Variants in PCDH9 observed in about 807,000 individuals in gnomAD.
PCDH9 encodes the protein protocadherin 9.
Under a neutral mutation model 70.6 loss-of-function variants are expected in PCDH9, and 24 were observed. That is an observed-to-expected ratio of 0.34 (90% CI 0.25 to 0.48). The LOEUF (loss-of-function observed/expected upper bound fraction) is 0.48. Ranked by LOEUF, PCDH9 falls within the 20% of genes least tolerant of loss-of-function variation. The probability of loss-of-function intolerance (pLI) is 0.99; values close to 1 mark genes in which losing one functional copy is unlikely to be tolerated. For synonymous variants in PCDH9, 562 were observed against 558.5 expected (o/e 1.01, Z -0.09); for missense variants, 1,281 against 1,503.6 (o/e 0.85, Z 2.45).
At chr13:66,530,749 TATCCAGTTAAACAGTGGGACTAC>T (rs1379081800) in intron 4 of PCDH9, among the ~76,000 whole-genome samples, 1 of 152,140 alleles carries the variant, frequency 6.6e-6, no homozygotes, top group Non-Finnish European at 1.5e-5. Flanking sequence ...ATAGATGTTT[TATCCAGTTAAACAGTGGGACTAC>T]ATCCATTGCT....
chr13:67,028,655 G>A (rs1188943574), intron 2 of PCDH9, among the ~76,000 whole-genome samples: 1 of 151,760 alleles, frequency 6.6e-6, no homozygotes, highest in Non-Finnish European at 1.5e-5. Flanking sequence ...TTAACCCAAG[G>A]CTGTATGACT....
intron 4 of PCDH9, among the ~76,000 whole-genome samples, chr13:66,531,410 T>C (rs979402018): frequency 6.6e-6 from 1 of 152,130 alleles, no homozygotes; most frequent in African/African-American, 2.4e-5. Context: ...TTAAAAATCA[T>C]TGTTTTCAAT....
At chr13:67,004,210 A>G (rs1354040882) in intron 2 of PCDH9, among the ~76,000 whole-genome samples, 1 of 152,094 alleles carries the variant, frequency 6.6e-6, no homozygotes, top group Non-Finnish European at 1.5e-5. Context: ...TCACAATATG[A>G]TACATTAATT....
intron 3 of PCDH9, among the ~76,000 whole-genome samples, chr13:66,730,134 A>G (rs2079053711): frequency 6.6e-6 from 1 of 152,190 alleles, no homozygotes; most frequent in Non-Finnish European, 1.5e-5. Context: ...TAAAATTCAA[A>G]TCACTTGATT....
At chr13:67,076,056 C>T (rs551003064) in intron 2 of PCDH9, among the ~76,000 whole-genome samples, 2 of 152,242 alleles carry the variant, frequency 1.3e-5, no homozygotes, top group South Asian at 2.1e-4. Context: ...AAAGCAAGCA[C>T]TCCACTTATA....
intron 2 of PCDH9, among the ~76,000 whole-genome samples, chr13:67,178,210 G>C (rs942454368): frequency 6.6e-6 from 1 of 151,948 alleles, no homozygotes. Flanking sequence ...ATCTTGCTGA[G>C]ATCACTAAGA....
intron 2 of PCDH9, among the ~76,000 whole-genome samples, chr13:66,989,522 T>C (rs566158954): frequency 4.6e-5 from 7 of 152,036 alleles, no homozygotes; most frequent in African/African-American, 1.7e-4. Flanking sequence ...TGAATGTCAC[T>C]TCCTGATTGT....
chr13:66,967,660 T>A (rs537813763), intron 2 of PCDH9, among the ~76,000 whole-genome samples: 1 of 151,830 alleles, frequency 6.6e-6, no homozygotes, highest in South Asian at 2.1e-4. Flanking sequence ...CAAAAAAAAA[T>A]TTTTTCTTAA....
chr13:66,717,966 G>A (rs1189244272), intron 3 of PCDH9, among the ~76,000 whole-genome samples: 1 of 152,074 alleles, frequency 6.6e-6, no homozygotes, highest in Non-Finnish European at 1.5e-5. Context: ...AACGCATACT[G>A]TTGCTATTCA....
chr13:66,829,380 A>T (rs1257715448), intron 3 of PCDH9, among the ~76,000 whole-genome samples: 1 of 152,138 alleles, frequency 6.6e-6, no homozygotes, highest in Non-Finnish European at 1.5e-5. Flanking sequence ...TATGACAAGA[A>T]ATATATAGTT....
At position 67,226,852 on chromosome 13, in the gene PCDH9, A is replaced by C; in HGVS notation, c.1589T>G (p.Phe530Cys). The change falls in exon 2 of 5, where the codon TTT becomes TGT. Residue 530 changes from phenylalanine (F) to cysteine (C), a missense_variant. Phe to Cys is a radical substitution (Grantham distance 205). Around this residue, in one of 4 missense-constraint regions of PCDH9, gnomAD observed 798 missense variants for 1,003.1 expected, o/e 0.80. Coordinates refer to ENST00000377865, the MANE Select transcript of PCDH9 (RefSeq NM_203487.3). The surrounding 1 kb of genome is among the most constrained non-coding windows in gnomAD (Gnocchi z 5.0). ...GAATCGTTCTTGTTCTTCTCTGTCA[A>C]ATACTCTGGAGGCTGTCAAAACTCC... The part of the protein sequence containing the change: ...KTGVLTASRV[F>C]DREEQERFIF... 3 of 1,614,166 alleles carry C rather than the reference A, an allele frequency of 1.9e-6. No individual in the cohort carries two copies. Among genetic ancestry groups the C allele is most frequent in the Non-Finnish European group, 2.5e-6 (3 of 1,180,032 alleles).
intron 3 of PCDH9, among the ~76,000 whole-genome samples, chr13:66,658,041 T>C (rs2139008668): frequency 6.6e-6 from 1 of 152,282 alleles, no homozygotes; most frequent in African/African-American, 2.4e-5. Context: ...TAGAGATGAT[T>C]TTTAAAATAT....
intron 3 of PCDH9, among the ~76,000 whole-genome samples, chr13:66,643,097 T>C (rs905660646): frequency 2.0e-5 from 3 of 152,080 alleles, no homozygotes; most frequent in African/African-American, 7.2e-5. Context: ...AATTGAAAAG[T>C]AACATTCAGA....
chr13:67,055,337 A>G (rs1407729609), intron 2 of PCDH9, among the ~76,000 whole-genome samples: 2 of 152,208 alleles, frequency 1.3e-5, no homozygotes, highest in African/African-American at 2.4e-5. Context: ...ATTCTGGTAC[A>G]GTTGTTAAGA....
chr13:66,839,180 T>A (rs2081074213), intron 3 of PCDH9, among the ~76,000 whole-genome samples: 1 of 151,982 alleles, frequency 6.6e-6, no homozygotes. Context: ...TAATATTATG[T>A]AACTTATTAA....
chr13:67,011,619 T>C (rs1264597976), intron 2 of PCDH9, among the ~76,000 whole-genome samples: 1 of 151,850 alleles, frequency 6.6e-6, no homozygotes, highest in African/African-American at 2.4e-5. Flanking sequence ...AACGTTGTAA[T>C]AGGACCTGAG....
intron 2 of PCDH9, among the ~76,000 whole-genome samples, chr13:67,077,736 T>C (rs1231041436): frequency 6.6e-6 from 1 of 152,128 alleles, no homozygotes; most frequent in Non-Finnish European, 1.5e-5. Context: ...GATTCTATTG[T>C]CAATCTGTTT....
intron 4 of PCDH9, among the ~76,000 whole-genome samples, chr13:66,546,742 G>C (rs1256361220): frequency 6.6e-6 from 1 of 152,136 alleles, no homozygotes; most frequent in African/African-American, 2.4e-5. Flanking sequence ...GCTATTTCCA[G>C]TCCTGCAAGC....
At chr13:67,086,203 T>C (rs546614408) in intron 2 of PCDH9, among the ~76,000 whole-genome samples, 4 of 152,210 alleles carry the variant, frequency 2.6e-5, no homozygotes, top group Non-Finnish European at 4.4e-5. Flanking sequence ...AAATTATCTA[T>C]ATATCAGGCC....
Sources: gnomAD v4.1 joint callset for allele counts (sites outside exome capture counted in the v4.1 genomes callset) on GRCh38, gnomAD v4.1.1 for gene constraint, gnomAD v4.1.1 regional missense constraint, Gnocchi (gnomAD v3.1) non-coding constraint, MANE v1.5 for transcripts, NCBI Gene and HGNC (gene_info 2026-07-23, HGNC 2026-07-21) for gene names.